The following PARD3B variants were observed in gnomAD, a reference collection of about 807,000 sequenced individuals.
PARD3B encodes par-3 family cell polarity regulator beta.
PARD3B carries 103 observed loss-of-function variants against 130.2 expected under a neutral mutation model. That is an observed-to-expected ratio of 0.79 (90% CI 0.67 to 0.93). The LOEUF is 0.93. Among genes scored for constraint, PARD3B ranks in the 40% least tolerant of loss-of-function variants. The pLI, the probability that PARD3B is intolerant of heterozygous loss-of-function variation, is 0.00. For synonymous variants in PARD3B, 583 were observed against 553.2 expected, an observed-to-expected ratio of 1.05 and a Z score of -0.76; for missense variants, 1,609 against 1,499.2, an observed-to-expected ratio of 1.07 and a Z score of -1.21.
intron 2 of PARD3B, among the ~76,000 whole-genome samples, chr2:204,753,761 T>C (rs2040556600): frequency 6.6e-6 from 1 of 152,006 alleles, no homozygotes; most frequent in African/African-American, 2.4e-5. Context: ...TTATTCAAAA[T>C]GAAATGGTGA....
At chr2:205,428,516 A>T (rs1270249281) in intron 19 of PARD3B, among the ~76,000 whole-genome samples, 1 of 152,206 alleles carries the variant, frequency 6.6e-6, no homozygotes, top group Non-Finnish European at 1.5e-5. Context: ...GCATCCTGTT[A>T]TCAGACTTCC....
chr2:204,756,434 C>G (rs1404949368), intron 2 of PARD3B, among the ~76,000 whole-genome samples: 2 of 152,036 alleles, frequency 1.3e-5, no homozygotes, highest in Non-Finnish European at 2.9e-5. Context: ...TATTTTTTCT[C>G]CATTATTTGA....
At chr2:205,528,824 C>G (rs980276881) in intron 21 of PARD3B, among the ~76,000 whole-genome samples, 5 of 150,152 alleles carry the variant, frequency 3.3e-5, no homozygotes, top group African/African-American at 9.8e-5. Context: ...GCTAGCCTAA[C>G]GAGGAATGCC....
At chr2:204,661,733 T>C (rs1006694543) in intron 1 of PARD3B, among the ~76,000 whole-genome samples, 3 of 152,230 alleles carry the variant, frequency 2.0e-5, no homozygotes, top group Admixed American at 2.0e-4. Flanking sequence ...TGAAATAATA[T>C]ATTTTTATGA....
intron 15 of PARD3B, among the ~76,000 whole-genome samples, chr2:205,203,239 T>C (rs750455472): frequency 1.3e-5 from 2 of 152,180 alleles, no homozygotes; most frequent in Non-Finnish European, 2.9e-5. Context: ...GTGCTCTGAT[T>C]AGAAATTTTG....
intron 2 of PARD3B, among the ~76,000 whole-genome samples, chr2:204,938,527 T>G (rs932015952): frequency 6.6e-6 from 1 of 152,240 alleles, no homozygotes; most frequent in African/African-American, 2.4e-5. Flanking sequence ...TTGATCACTC[T>G]TATAACTTCT....
chr2:205,154,091 C>T lies in PARD3B; in HGVS notation c.1435-4631C>T, dbSNP rs2033947724. 2.0e-5 allele frequency among the ~76,000 whole-genome samples: 3 copies of T among 152,156 alleles called. No homozygotes were observed. The South Asian group carries it at 6.2e-4, about 32-fold the overall frequency. ...AGCTTCTGCACAGCAAAAGAAACTA[C>T]CATCAGAGTGAACAGGCAACCTACA... is the stretch of plus-strand genomic sequence containing the variant. On this transcript the variant is annotated intron_variant, in intron 10 of 22. Transcript: ENST00000406610.
chr2:205,200,055 T>C (rs1010773714), intron 15 of PARD3B, among the ~76,000 whole-genome samples: 1 of 152,168 alleles, frequency 6.6e-6, no homozygotes, highest in Non-Finnish European at 1.5e-5. Flanking sequence ...TTTGATGGGA[T>C]TTCTAAACTG....
At chr2:205,046,548 A>G (rs556463586) in intron 3 of PARD3B, among the ~76,000 whole-genome samples, 75 of 150,860 alleles carry the variant, frequency 5.0e-4, no homozygotes, top group African/African-American at 1.4e-3. Context: ...TTGCAATTCT[A>G]TGTTTTGTAC....
At position 204,983,983 on chromosome 2, in the gene PARD3B, G is replaced by A. The variant is rs527727668; in HGVS notation, c.394+18660G>A. Among the ~76,000 whole-genome samples the A allele has an allele frequency of 5.6e-4, 85 of 151,554 alleles. 2 individuals are homozygous for A. In the South Asian group the frequency reaches 0.016, roughly 29 times the overall value. On this transcript the variant is annotated intron_variant, in intron 3 of 22. Transcript: ENST00000406610. Reference sequence around the variant, plus strand: ...CTCCTCTGTATGGACCTTCCTTGTCGCCTCTCTAAAAAGAAAAAAAAATAT... The same window carrying A: ...CTCCTCTGTATGGACCTTCCTTGTCACCTCTCTAAAAAGAAAAAAAAATAT...
chr2:205,483,242 T>G (rs1380765504), intron 20 of PARD3B, among the ~76,000 whole-genome samples: 1 of 152,184 alleles, frequency 6.6e-6, no homozygotes, highest in Non-Finnish European at 1.5e-5. Flanking sequence ...TAATAAACAT[T>G]GATGGTGTTG....
In PARD3B at chr2:205,564,551, C is replaced by G. The variant is rs962023016; in HGVS notation, c.3260+11148C>G. Among the ~76,000 whole-genome samples, 1 of 152,186 alleles carries G rather than the reference C, an allele frequency of 6.6e-6. No homozygotes were observed. The highest frequency in any genetic ancestry group is 2.4e-5 in the African/African-American group (1 of 41,448). On this transcript the variant is annotated intron_variant, in intron 22 of 22. Transcript: ENST00000406610. The surrounding 1 kb of genome is among the most constrained non-coding windows in gnomAD (Gnocchi z 4.6). ...TGTAGCCAGGAAACTATTGTTGGTT[C>G]TTTCACAGTGTAGTTCTGGCACATC...
intron 15 of PARD3B, among the ~76,000 whole-genome samples, chr2:205,206,896 CA>C (rs1361521490): frequency 6.7e-6 from 1 of 149,336 alleles, no homozygotes; most frequent in Non-Finnish European, 1.5e-5. Flanking sequence ...CTCTCCACCC[CA>C]AATCAACAGA....
At chr2:205,307,123 G>A (rs2042214853) in intron 18 of PARD3B, among the ~76,000 whole-genome samples, 1 of 152,202 alleles carries the variant, frequency 6.6e-6, no homozygotes, top group Admixed American at 6.5e-5. Flanking sequence ...TCATGAAAAT[G>A]TGAATGCCTT....
intron 2 of PARD3B, among the ~76,000 whole-genome samples, chr2:204,763,278 T>G (rs1025028492): frequency 2.0e-5 from 3 of 152,350 alleles, no homozygotes; most frequent in African/African-American, 7.2e-5. Flanking sequence ...AGGCAGTATA[T>G]CTGCTACCTT....
At chr2:205,491,706 G>A (rs2049721966) in intron 20 of PARD3B, among the ~76,000 whole-genome samples, 2 of 152,136 alleles carry the variant, frequency 1.3e-5, no homozygotes, top group South Asian at 4.1e-4. Context: ...AGCTATAGGA[G>A]TCAAAGGATC....
Position 205,494,405 on chromosome 2 carries a change from G to A in PARD3B, c.3045-5491G>A, listed in dbSNP as rs141152220. 9.5e-3 allele frequency among the ~76,000 whole-genome samples: 1,448 copies of A among 152,172 alleles called. 15 individuals are homozygous for A. Among genetic ancestry groups the A allele is most frequent in the Middle Eastern group, 0.017 (5 of 294 alleles). On this transcript the variant is annotated intron_variant, in intron 20 of 22. Transcript: ENST00000406610. ...GCAGTTCTGTCTGCCTCTCAATCCT[G>A]GTCCTGATCCAGAATGTGTCTTTCA...
intron 2 of PARD3B, among the ~76,000 whole-genome samples, chr2:204,688,577 C>T (rs1435508622): frequency 1.8e-5 from 2 of 108,298 alleles, no homozygotes; most frequent in African/African-American, 4.2e-5. Flanking sequence ...AAGACTCCAT[C>T]TAAAAAAAAA....
chr2:204,665,570 A>T (rs961697361), intron 1 of PARD3B, among the ~76,000 whole-genome samples: 2 of 152,188 alleles, frequency 1.3e-5, no homozygotes, highest in African/African-American at 2.4e-5. Flanking sequence ...AGACTCAGGG[A>T]AATCATGCTA....
Sources: gnomAD v4.1 joint callset for allele counts (sites outside exome capture counted in the v4.1 genomes callset) on GRCh38, gnomAD v4.1.1 for gene constraint, Gnocchi (gnomAD v3.1) non-coding constraint, MANE v1.5 for transcripts, NCBI Gene and HGNC (gene_info 2026-07-23, HGNC 2026-07-21) for gene names.